Variants in LNX1 observed in about 807,000 individuals in gnomAD.
LNX1 encodes the protein E3 ubiquitin-protein ligase LNX.
In LNX1, 54 loss-of-function variants were observed where a neutral mutation model predicts 68.4. That is an observed-to-expected ratio of 0.79 (90% CI 0.63 to 0.99). The LOEUF (loss-of-function observed/expected upper bound fraction) is 0.99. Among genes scored for constraint, LNX1 ranks in the 50% least tolerant of loss-of-function variants. The probability of loss-of-function intolerance (pLI) is 0.00; values close to 1 mark genes in which losing one functional copy is unlikely to be tolerated. For missense variants in LNX1, 906 were observed against 926.4 expected, an observed-to-expected ratio of 0.98 and a Z score of 0.29; for synonymous variants, 336 against 350.0, an observed-to-expected ratio of 0.96 and a Z score of 0.45.
intron 6 of LNX1, among the ~76,000 whole-genome samples, chr4:53,495,548 C>CTTT (rs199684639): frequency 1.7e-5 from 2 of 119,420 alleles, no homozygotes; most frequent in African/African-American, 6.5e-5. Flanking sequence ...CATGGCATAG[C>CTTT]TTTTTTTTTT....
chr4:53,507,259 T>C, intron 4 of LNX1, 58 bp downstream of exon 4: 1 of 1,570,416 alleles, frequency 6.4e-7, no homozygotes. Flanking sequence ...GCGTCATCCC[T>C]GAAGTCCCCC....
chr4:53,593,004 G>C (rs929798064), upstream of LNX1: 2 of 152,198 alleles, frequency 1.3e-5, no homozygotes, highest in African/African-American at 2.4e-5. Flanking sequence ...CCTTTTGAGA[G>C]TTGAAGGCTT....
In LNX1 at chr4:53,498,791, C is replaced by G; in HGVS notation, c.828G>C (p.Lys276Asn). 1 of 1,614,094 alleles carries G rather than the reference C, an allele frequency of 6.2e-7. No homozygotes were observed. Among genetic ancestry groups the G allele is most frequent in the Non-Finnish European group, 8.5e-7 (1 of 1,180,002 alleles). ...TTTCACTGGGATCTACTCGATTGATCTTGATGCTGGTAATTTCACCATCTG... is the reference window on the plus strand; with the variant it reads ...TTTCACTGGGATCTACTCGATTGATGTTGATGCTGGTAATTTCACCATCTG... ...LIPDGEITSI[K>N]INRVDPSESL... The change falls in exon 5 of 11, where the codon AAG (lysine) becomes AAC (asparagine). Residue 276 changes from lysine (K) to asparagine (N), a missense_variant. By Grantham distance (94) the Lys-to-Asn change is moderately conservative. Transcript: ENST00000263925.
upstream of LNX1, chr4:53,591,807 C>G (rs1222874810): frequency 6.5e-6 from 1 of 153,736 alleles, no homozygotes; most frequent in Non-Finnish European, 1.4e-5. Flanking sequence ...CCAGGCCCTC[C>G]CCTTTCCCCA....
At chr4:53,594,215 C>G (rs1732648875), upstream of LNX1, 1 of 150,608 alleles carries the variant, frequency 6.6e-6, no homozygotes, top group African/African-American at 2.4e-5. Context: ...GAAATCATAC[C>G]AGGAAATCCA....
At position 53,604,565 on chromosome 4, in the gene LNX1, G is replaced by A. The variant is rs972285960; in HGVS notation, c.-215+11952C>T. Among the ~76,000 whole-genome samples the A allele has an allele frequency of 6.6e-4, 101 of 152,302 alleles. 1 individual carries two copies. The highest frequency in any genetic ancestry group is 2.8e-4 in the Non-Finnish European group (19 of 68,020). The stretch of plus-strand genomic sequence containing the variant: ...CCGAATTCTTATGGGTTGTGGTACT[G>A]GCATTCAGGCCAGGTTTAACTAGAT... On this transcript the variant is annotated intron_variant, in intron 2 of 3. Coordinates refer to the LNX1 transcript ENST00000504299.
chr4:53,634,029 C>A (rs1320583007), intron 1 of LNX1, among the ~76,000 whole-genome samples: 1 of 152,162 alleles, frequency 6.6e-6, no homozygotes, highest in Non-Finnish European at 1.5e-5. Context: ...TAATAACACT[C>A]TGAAACCATT....
chr4:53,632,147 C>T (rs1287742450), intron 1 of LNX1, among the ~76,000 whole-genome samples: 1 of 152,148 alleles, frequency 6.6e-6, no homozygotes, highest in Non-Finnish European at 1.5e-5. Context: ...AGACCTCCCC[C>T]AGCATGAGGT....
intron 2 of LNX1, chr4:53,603,918 G>A (rs1733123071): frequency 6.6e-6 from 1 of 152,170 alleles, no homozygotes; most frequent in African/African-American, 2.4e-5. Context: ...ATAGGTTGGT[G>A]CCTCTACTGA....
intron 1 of LNX1, among the ~76,000 whole-genome samples, chr4:53,643,437 A>G (rs1481494158): frequency 6.6e-6 from 1 of 152,056 alleles, no homozygotes; most frequent in Non-Finnish European, 1.5e-5. Context: ...GGGCTGAGAC[A>G]CCATCCCGGT....
At chr4:53,575,852 T>A in intron 1 of LNX1, 1 of 1,590,162 alleles carries the variant, frequency 6.3e-7, no homozygotes, top group Non-Finnish European at 8.6e-7. Flanking sequence ...AACAGGAGCA[T>A]GTTTAGAAAG....
At position 53,486,368 on chromosome 4, in the gene LNX1, T is replaced by C. The variant is rs544751340; in HGVS notation, c.1351-4514A>G. ...TCCAGAGTAGCTGGGGCTACAGGCA[T>C]GCCACTTCACCCAGCATCCCTCTCT... On this transcript the variant is annotated intron_variant, in intron 6 of 10. Transcript: ENST00000263925. 5.3e-5 allele frequency among the ~76,000 whole-genome samples: 8 copies of C among 152,330 alleles called. No homozygotes were observed. In the East Asian group the frequency reaches 1.5e-3, roughly 29 times the overall value.
At chr4:53,564,943 G>A (rs1730553144) in intron 2 of LNX1, among the ~76,000 whole-genome samples, 2 of 152,162 alleles carry the variant, frequency 1.3e-5, no homozygotes, top group South Asian at 4.2e-4. Flanking sequence ...TTTCCGACGG[G>A]CTTAAAAAAT....
At chr4:53,643,364 G>C (rs1734761674) in intron 1 of LNX1, among the ~76,000 whole-genome samples, 1 of 152,084 alleles carries the variant, frequency 6.6e-6, no homozygotes, top group Non-Finnish European at 1.5e-5. Flanking sequence ...TGCCCAGGCT[G>C]ATCTCAAACT....
intron 9 of LNX1, among the ~76,000 whole-genome samples, chr4:53,465,664 G>T (rs1437770060): frequency 6.6e-6 from 1 of 152,196 alleles, no homozygotes; most frequent in Non-Finnish European, 1.5e-5. Context: ...TATTGCCAAA[G>T]AACTTTTTAA....
At chr4:53,519,821 G>T (rs1265811597) in intron 2 of LNX1, among the ~76,000 whole-genome samples, 2 of 152,214 alleles carry the variant, frequency 1.3e-5, no homozygotes, top group African/African-American at 4.8e-5. Context: ...TTAATACAAA[G>T]ATTCACTTGC....
At chr4:53,635,107 C>T (rs371372169) in intron 1 of LNX1, among the ~76,000 whole-genome samples, 8 of 152,196 alleles carry the variant, frequency 5.3e-5, no homozygotes, top group Admixed American at 2.6e-4. Flanking sequence ...TGGAATAGCA[C>T]GCATGAGCCA....
At chr4:53,478,462 T>G (rs1723706073) in intron 8 of LNX1, 103 bp downstream of exon 8, 1 of 1,042,786 alleles carries the variant, frequency 9.6e-7, no homozygotes. Flanking sequence ...GGCCGATCAC[T>G]CCCACATTCT....
At chr4:53,477,665 A>T (rs999207720) in intron 8 of LNX1, among the ~76,000 whole-genome samples, 2 of 152,194 alleles carry the variant, frequency 1.3e-5, no homozygotes, top group African/African-American at 4.8e-5. Flanking sequence ...AAGAGAAATT[A>T]AAATATACAT....
Sources: gnomAD v4.1 joint callset for allele counts (sites outside exome capture counted in the v4.1 genomes callset) on GRCh38, gnomAD v4.1.1 for gene constraint, MANE v1.5 for transcripts, NCBI Gene and HGNC (gene_info 2026-07-23, HGNC 2026-07-21) for gene names.